Variants in DDX1 observed in about 807,000 individuals in gnomAD.
The protein encoded by DDX1 is DEAD-box helicase 1, also known as ATP-dependent RNA helicase DDX1.
DDX1 carries 28 observed loss-of-function variants against 108.7 expected under a neutral mutation model. The observed-to-expected ratio is 0.26, with a 90% CI of 0.19 to 0.35. The LOEUF is 0.35. DDX1 is among the 10% of genes least tolerant of loss of function. The pLI is 1.00. For missense variants in DDX1, 710 were observed against 884.5 expected, an observed-to-expected ratio of 0.80 and a Z score of 2.50; for synonymous variants, 295 against 288.9, an observed-to-expected ratio of 1.02 and a Z score of -0.21.
intron 16 of DDX1, among the ~76,000 whole-genome samples, chr2:15,619,127 C>T (rs560892529): frequency 6.6e-6 from 1 of 152,202 alleles, no homozygotes; most frequent in African/African-American, 2.4e-5. Context: ...ACCCTGGGCC[C>T]AGCTCCATCT....
intron 15 of DDX1, 91 bp downstream of exon 15, chr2:15,617,433 A>G: frequency 1.6e-6 from 1 of 626,858 alleles, no homozygotes; most frequent in Non-Finnish European, 2.6e-6. Flanking sequence ...TAATTCAGTC[A>G]TGATCCTACT....
Position 15,627,056 on chromosome 2 carries a change from C to G in DDX1, c.1597C>G (p.Pro533Ala). 3 of 1,603,742 alleles carry G rather than the reference C, an allele frequency of 1.9e-6. No homozygotes were observed. The highest frequency in any genetic ancestry group is 2.6e-6 in the Non-Finnish European group (3 of 1,173,748). ...EQYFIQQGGG[P>A]DKKGHQFSCV... ...ATGCTTAATGTGCTTTTCACTAGGA[C>G]CTGATAAAAAAGGACACCAGTTCTC... is the stretch of plus-strand genomic sequence containing the variant. Residue 533 changes from proline (P) to alanine (A), a missense_variant and splice_region_variant, in exon 20 of 26, where the codon CCT becomes GCT. This residue lies in a region of DDX1 where 661 missense variants were observed against 810.2 expected (regional missense o/e 0.82). Coordinates refer to ENST00000233084, the MANE Select transcript of DDX1 (RefSeq NM_004939.3).
intron 20 of DDX1, 121 bp downstream of exon 20, chr2:15,627,266 C>T: frequency 1.8e-6 from 1 of 561,908 alleles, no homozygotes; most frequent in Non-Finnish European, 3.1e-6. Flanking sequence ...AATGTTTCTA[C>T]CCTAACTAAT....
chr2:15,607,323 C>T lies in DDX1; in HGVS notation c.956+10C>T. 1 of 1,611,102 alleles carries T rather than the reference C, an allele frequency of 6.2e-7. No individual in the cohort carries two copies. Among genetic ancestry groups the T allele is most frequent in the South Asian group, 1.1e-5 (1 of 90,580 alleles). ...ATAATCCTAAATTAAGGTAAATCTT[C>T]CTTTTGTGCTGAAATGCTTATTGTC... On this transcript the variant is annotated intron_variant, in intron 13 of 25. Coordinates refer to ENST00000233084, the MANE Select transcript of DDX1 (RefSeq NM_004939.3).
Position 15,630,033 on chromosome 2 carries a change from A to G in DDX1, c.2015A>G (p.Gln672Arg). 2 of 1,611,136 alleles carry G rather than the reference A, an allele frequency of 1.2e-6. No individual in the cohort carries two copies. The highest frequency in any genetic ancestry group is 1.7e-6 in the Non-Finnish European group (2 of 1,177,510). Reference protein sequence around the residue: ...IEEHLNCTISQVEPDIKVPVD... With the variant: ...IEEHLNCTISRVEPDIKVPVD... ...GAACACCTGAACTGTACCATTTCTC[A>G]GGTTGAGCCGGATATAAAGGTACCA... Residue 672 changes from glutamine to arginine, a missense_variant, in exon 25 of 26, where the codon CAG (glutamine) becomes CGG (arginine). This residue lies in a region of DDX1 where 661 missense variants were observed against 810.2 expected (regional missense o/e 0.82). Transcript: ENST00000233084.
chr2:15,599,899 A>G (rs1453076339), intron 6 of DDX1, among the ~76,000 whole-genome samples, 183 bp downstream of exon 6: 1 of 152,276 alleles, frequency 6.6e-6, no homozygotes, highest in Non-Finnish European at 1.5e-5. Flanking sequence ...AATAAATCTC[A>G]GCACATATGA....
At chr2:15,610,484 T>C (rs1378373952) in intron 13 of DDX1, among the ~76,000 whole-genome samples, 2 of 152,246 alleles carry the variant, frequency 1.3e-5, no homozygotes, top group East Asian at 3.8e-4. Flanking sequence ...TGCATGTGCA[T>C]ATCCATGTGT....
intron 1 of DDX1, among the ~76,000 whole-genome samples, chr2:15,594,730 G>A (rs6731382): frequency 0.68 from 103,443 of 152,148 alleles, 36,020 homozygotes; most frequent in East Asian, 0.89. Flanking sequence ...CTGCCACATT[G>A]TCTCTAAATG....
At chr2:15,603,038 C>T (rs1415484638) in intron 7 of DDX1, among the ~76,000 whole-genome samples, 154 bp from the exon 8 acceptor site, 6 of 152,060 alleles carry the variant, frequency 3.9e-5, no homozygotes, top group African/African-American at 1.2e-4. Context: ...AGCTTTAAGT[C>T]GAGGATCTGG....
intron 6 of DDX1, among the ~76,000 whole-genome samples, chr2:15,601,166 G>T (rs1252596068): frequency 6.6e-6 from 1 of 152,190 alleles, no homozygotes; most frequent in Non-Finnish European, 1.5e-5. Flanking sequence ...GACAGCAGAT[G>T]TGTGGGGTTT....
chr2:15,608,663 G>GTTTTTTTTT (rs569566545), intron 13 of DDX1, among the ~76,000 whole-genome samples: 4 of 106,726 alleles, frequency 3.7e-5, no homozygotes, highest in African/African-American at 1.1e-4. Context: ...TTTTTTTTAG[G>GTTTTTTTTT]TTTTTTTTTT....
chr2:15,609,654 A>G (rs1665722131), intron 13 of DDX1, among the ~76,000 whole-genome samples: 1 of 152,244 alleles, frequency 6.6e-6, no homozygotes, highest in African/African-American at 2.4e-5. Context: ...GCGTATAAGC[A>G]TCAATTATCA....
intron 14 of DDX1, among the ~76,000 whole-genome samples, chr2:15,614,324 A>G (rs922737815): frequency 1.3e-5 from 2 of 152,226 alleles, no homozygotes; most frequent in Non-Finnish European, 2.9e-5. Flanking sequence ...TGCTCTTGTC[A>G]AACTAAATTT....
intron 18 of DDX1, 21 bp from the exon 19 acceptor site, chr2:15,623,412 TTTG>T (rs757479789): frequency 5.0e-6 from 8 of 1,610,608 alleles, no homozygotes; most frequent in Admixed American, 3.3e-5. Context: ...TCTGTTGGTT[TTTG>T]TTGTTGTTAT....
At chr2:15,615,250 C>T (rs1431235180) in intron 14 of DDX1, among the ~76,000 whole-genome samples, 1 of 152,110 alleles carries the variant, frequency 6.6e-6, no homozygotes, top group East Asian at 1.9e-4. Flanking sequence ...CAACATGTGC[C>T]ACTGAGGTCA....
In DDX1 at chr2:15,623,396, T is replaced by C. The variant is rs773009421; in HGVS notation, c.1448-40T>C. The C allele has an allele frequency of 6.2e-6, 10 of 1,605,250 alleles. No individual in the cohort carries two copies. In the Admixed American group the frequency reaches 1.7e-4, roughly 27 times the overall value. On this transcript the variant is annotated intron_variant, in intron 18 of 25. Coordinates refer to ENST00000233084, the MANE Select transcript of DDX1 (RefSeq NM_004939.3). ...ATGTGTATTCATGACAAGTTCAGAT[T>C]GAAATTCTGTTGGTTTTTGTTGTTG... is the stretch of plus-strand genomic sequence containing the variant.
chr2:15,630,220 G>T (rs1024620192), intron 25 of DDX1, 110 bp downstream of exon 25: 2 of 1,144,812 alleles, frequency 1.7e-6, no homozygotes, highest in Non-Finnish European at 1.3e-6. Flanking sequence ...TATATTTTTA[G>T]CGTGTTAATC....
Position 15,628,838 on chromosome 2 carries a change from A to G in DDX1, c.1874A>G (p.Lys625Arg). 1 of 1,613,100 alleles carries G rather than the reference A, an allele frequency of 6.2e-7. No homozygotes were observed. The highest frequency in any genetic ancestry group is 8.5e-7 in the Non-Finnish European group (1 of 1,179,136). ...TCCCTGGTGGCAACAGAAAAAGAAA[A>G]GGTAATCTTTGTAGGGCTCTATTAT... is the stretch of plus-strand genomic sequence containing the variant. ...AISLVATEKEKVWYHVCSSRG... is the reference protein window; with the variant it reads ...AISLVATEKERVWYHVCSSRG... Residue 625 changes from lysine to arginine, a missense_variant and splice_region_variant, in exon 23 of 26, where the codon AAG (lysine) becomes AGG (arginine). Transcript: ENST00000233084.
intron 16 of DDX1, among the ~76,000 whole-genome samples, chr2:15,618,655 G>A (rs1665940221): frequency 6.6e-6 from 1 of 152,242 alleles, no homozygotes; most frequent in African/African-American, 2.4e-5. Context: ...TGAAGGTGGG[G>A]CTTCACCGGG....
Sources: gnomAD v4.1 joint callset for allele counts (sites outside exome capture counted in the v4.1 genomes callset) on GRCh38, gnomAD v4.1.1 for gene constraint, gnomAD v4.1.1 regional missense constraint, MANE v1.5 for transcripts, NCBI Gene and HGNC (gene_info 2026-07-23, HGNC 2026-07-21) for gene names.